The following PCDHB1 variants were observed in gnomAD, a reference collection of about 807,000 sequenced individuals.
PCDHB1 encodes the protein protocadherin beta-1.
In PCDHB1, 44 loss-of-function variants were observed where a neutral mutation model predicts 43.5. The observed-to-expected ratio is 1.01, with a 90% CI of 0.79 to 1.30. The LOEUF is 1.30. Among genes scored for constraint, PCDHB1 ranks in the 50% most tolerant of loss-of-function variants. PCDHB1 has a pLI of 0.00. For synonymous variants in PCDHB1, 392 were observed against 400.8 expected (o/e 0.98, Z 0.26); for missense variants, 919 against 1,008.9 (o/e 0.91, Z 1.21).
Position 141,056,808 on chromosome 5 carries a change from T to C in PCDHB1, c.*2881T>C, listed in dbSNP as rs375921822. The stretch of plus-strand genomic sequence containing the variant: ...TTAGTAGAGACGGGGCTTCGCCATG[T>C]TGGCATTTCGCTATGTTGGCCAGGC... On this transcript the variant is annotated 3_prime_UTR_variant, in exon 1 of 1. Transcript: ENST00000306549. 7.9e-5 allele frequency: 12 copies of C among 152,344 alleles called. No homozygotes were observed. The East Asian group carries it at 1.9e-3, about 25-fold the overall frequency. 9.4% of individuals were successfully genotyped at this position (152,344 alleles called of 1,614,324 possible).
rs184332671 is a variant in PCDHB1 at position 141,052,590 on chromosome 5, C to T, written c.1120C>T (p.Arg374Trp). The T allele has an allele frequency of 5.9e-5, 96 of 1,614,098 alleles. 1 individual carries two copies. The highest frequency in any genetic ancestry group is 2.3e-4 in the African/African-American group (17 of 75,004). The part of the protein sequence containing the change: ...TVVALFTIRD[R>W]DIRVGGKVTC... ...AGTAGCCCTTTTCACTATCAGAGACCGGGACATTCGAGTGGGAGGAAAAGT... is the reference window on the plus strand; with the variant it reads ...AGTAGCCCTTTTCACTATCAGAGACTGGGACATTCGAGTGGGAGGAAAAGT... The change falls in exon 1 of 1, where the codon CGG becomes TGG. Residue 374 changes from arginine to tryptophan, a missense_variant. By Grantham distance (101) the Arg-to-Trp change is moderately radical. Transcript: ENST00000306549.
rs1751081387 is a variant in PCDHB1, at chr5:141,054,552, C to A, written c.*625C>A. ...AATGCCTGGTAAATGGTGATCTTCACAAATAATCATGGTGGGAGGAAGGGT... is the reference window on the plus strand; with the variant it reads ...AATGCCTGGTAAATGGTGATCTTCAAAAATAATCATGGTGGGAGGAAGGGT... On this transcript the variant is annotated 3_prime_UTR_variant, in exon 1 of 1. Coordinates refer to ENST00000306549, the MANE Select transcript of PCDHB1 (RefSeq NM_013340.4). 6 of 151,740 alleles carry A rather than the reference C, an allele frequency of 4.0e-5. No homozygotes were observed. The South Asian group carries it at 1.3e-3, about 32-fold the overall frequency. The allele number at this position is 151,740 out of a possible 1,614,324, so 9.4% of individuals were successfully genotyped here.
chr5:141,051,456 C>A lies in PCDHB1; in HGVS notation c.-15C>A. On this transcript the variant is annotated 5_prime_UTR_variant, in exon 1 of 1. Transcript: ENST00000306549. ...CAGTTGGCTCTGATTGCAGAGAGCG[C>A]GCTTGTGAGAACTGATGGCGGGTAC... is the stretch of plus-strand genomic sequence containing the variant. The A allele has an allele frequency of 1.2e-6, 2 of 1,612,368 alleles. No individual in the cohort carries two copies.
rs2233596 is a variant in PCDHB1, at chr5:141,053,971, T to C, written c.*44T>C. The C allele has an allele frequency of 1.1e-3, 1,645 of 1,506,320 alleles. 17 individuals carry two copies. The African/African-American group carries it at 0.019, about 18-fold the overall frequency. The allele number at this position is 1,506,320 out of a possible 1,614,324, so 93.3% of individuals were successfully genotyped here. A position where few individuals can be genotyped will look rare whatever the true frequency, so the allele number is the denominator to read the frequency against. On this transcript the variant is annotated 3_prime_UTR_variant, in exon 1 of 1. Coordinates refer to ENST00000306549, the MANE Select transcript of PCDHB1 (RefSeq NM_013340.4). ...GTGAGAGAAGAGAAGCAAAATTTTA[T>C]ACTTGGTATGCAAAGATGTTACATC...
rs1750959421 is a variant in PCDHB1 at position 141,051,379 on chromosome 5, G to A, written c.-92G>A. The stretch of plus-strand genomic sequence containing the variant: ...GCTGCAGTTAGAGGCTAGTGAAGCG[G>A]AGAGCAGCTGTTGCAGTAACCTGTT... On this transcript the variant is annotated 5_prime_UTR_variant, in exon 1 of 1. Transcript: ENST00000306549. 1 of 1,384,372 alleles carries A rather than the reference G, an allele frequency of 7.2e-7. No individual in the cohort carries two copies. The highest frequency in any genetic ancestry group is 1.0e-6 in the Non-Finnish European group (1 of 997,698). 85.8% of individuals were successfully genotyped at this position (1,384,372 alleles called of 1,614,324 possible).
Position 141,057,374 on chromosome 5 carries a change from T to G in PCDHB1, c.*3447T>G. On this transcript the variant is annotated 3_prime_UTR_variant, in exon 1 of 1. Coordinates refer to ENST00000306549, the MANE Select transcript of PCDHB1 (RefSeq NM_013340.4). ...CTGGCCAACATGGTGAAACCATGTC[T>G]CTATTAAAAATACAAAAATTAGCTG... 6.6e-6 allele frequency: 1 copy of G among 151,674 alleles called. No individual in the cohort carries two copies. The highest frequency in any genetic ancestry group is 2.1e-4 in the South Asian group (1 of 4,802). The allele number at this position is 151,674 out of a possible 1,614,324, so 9.4% of individuals were successfully genotyped here. A position where few individuals can be genotyped will look rare whatever the true frequency, so the allele number is the denominator to read the frequency against.
rs140938729 is a variant in PCDHB1 at position 141,053,275 on chromosome 5, G to A, written c.1805G>A (p.Trp602Ter). The A allele has an allele frequency of 2.8e-4, 444 of 1,614,214 alleles. 1 individual carries two copies. The highest frequency in any genetic ancestry group is 2.7e-4 in the Admixed American group (16 of 60,022). Residue 602 changes from tryptophan to a stop codon, truncating the protein, a stop_gained, in exon 1 of 1, where the codon TGG becomes TAG. Coordinates refer to ENST00000306549, the MANE Select transcript of PCDHB1 (RefSeq NM_013340.4). LOFTEE classifies it high-confidence loss of function. ...GATGGTGACTCAGGTCAGAATTCTT[G>A]GCTTTCATATCATCTACTTAAGGCC... ...AVDGDSGQNS[W>*]LSYHLLKATD...
At position 141,051,695 on chromosome 5, in the gene PCDHB1, C is replaced by A. The variant is rs1193594060; in HGVS notation, c.225C>A (p.Phe75Leu). The change falls in exon 1 of 1, where the codon TTC (phenylalanine) becomes TTA (leucine). Residue 75 changes from phenylalanine to leucine, a missense_variant. Phe to Leu is a conservative substitution (Grantham distance 22, BLOSUM62 0). Transcript: ENST00000306549. Reference sequence around the variant, plus strand: ...TTTCCGAGGGCAACAAAATGCATTTCCGGCTCCACCGCAAGACGGGAGATT... The same window carrying A: ...TTTCCGAGGGCAACAAAATGCATTTACGGCTCCACCGCAAGACGGGAGATT... Reference protein sequence around the residue: ...RLVSEGNKMHFRLHRKTGDLF... With the variant: ...RLVSEGNKMHLRLHRKTGDLF... The A allele has an allele frequency of 3.7e-6, 6 of 1,614,092 alleles. No homozygotes were observed. The highest frequency in any genetic ancestry group is 1.7e-5 in the Admixed American group (1 of 60,004).
chr5:141,053,436 A>G lies in PCDHB1; in HGVS notation c.1966A>G (p.Thr656Ala). Residue 656 changes from threonine to alanine, a missense_variant, in exon 1 of 1, where the codon ACT becomes GCT. Thr to Ala is a moderately conservative substitution (Grantham distance 58). Transcript: ENST00000306549. ...TCACGGCCAACCAGCTCTTTCCACT[A>G]CTGTCTCACTCAACATCCTGCTGGT... ...QDHGQPALST[T>A]VSLNILLVDG... The G allele has an allele frequency of 6.2e-7, 1 of 1,614,206 alleles. No homozygotes were observed. Among genetic ancestry groups the G allele is most frequent in the Non-Finnish European group, 8.5e-7 (1 of 1,180,022 alleles).
Position 141,051,951 on chromosome 5 carries a change from G to C in PCDHB1, c.481G>C (p.Asp161His). 1 of 1,614,160 alleles carries C rather than the reference G, an allele frequency of 6.2e-7. No homozygotes were observed. The highest frequency in any genetic ancestry group is 8.5e-7 in the Non-Finnish European group (1 of 1,180,032). Residue 161 changes from aspartate (D) to histidine (H), a missense_variant, in exon 1 of 1, where the codon GAC (aspartate) becomes CAC (histidine). Asp to His is a moderately conservative substitution (Grantham distance 81, BLOSUM62 -1). Transcript: ENST00000306549. ...RFPLQSAQDLDVGLNGLQNYT... is the reference protein window; with the variant it reads ...RFPLQSAQDLHVGLNGLQNYT... ...TCCTCTGCAGAGCGCCCAGGATCTG[G>C]ACGTGGGCCTTAACGGTCTCCAGAA...
At position 141,059,305 on chromosome 5, in the gene PCDHB1, T is replaced by C. The variant is rs1751192682; in HGVS notation, c.*5378T>C. On this transcript the variant is annotated 3_prime_UTR_variant, in exon 1 of 1. Coordinates refer to ENST00000306549, the MANE Select transcript of PCDHB1 (RefSeq NM_013340.4). Reference sequence around the variant, plus strand: ...CAAAAAATGGAATTGGTCTGTCTGATATTATGTAATTCTCCTAAAAATAAA... The same window carrying C: ...CAAAAAATGGAATTGGTCTGTCTGACATTATGTAATTCTCCTAAAAATAAA... 1 of 152,210 alleles carries C rather than the reference T, an allele frequency of 6.6e-6. No individual in the cohort carries two copies. Among genetic ancestry groups the C allele is most frequent in the Non-Finnish European group, 1.5e-5 (1 of 68,024 alleles). 9.4% of individuals were successfully genotyped at this position (152,210 alleles called of 1,614,324 possible).
In PCDHB1 at chr5:141,053,593, T is replaced by C. The variant is rs1554267486; in HGVS notation, c.2123T>C (p.Val708Ala). ...TTTCTCTTTCTCCTCTCTGTCATAGTGATCTTCATTATACATGTCTACCAA... is the reference window on the plus strand; with the variant it reads ...TTTCTCTTTCTCCTCTCTGTCATAGCGATCTTCATTATACATGTCTACCAA... ...LSFLFLLSVI[V>A]IFIIHVYQKI... The change falls in exon 1 of 1, where the codon GTG becomes GCG. Residue 708 changes from valine (V) to alanine (A), a missense_variant. Transcript: ENST00000306549. The C allele has an allele frequency of 6.2e-7, 1 of 1,613,814 alleles. No homozygotes were observed. The highest frequency in any genetic ancestry group is 8.5e-7 in the Non-Finnish European group (1 of 1,179,686).
At position 141,055,580 on chromosome 5, in the gene PCDHB1, GAC is replaced by G. The variant is rs1212403828; in HGVS notation, c.*1655_*1656del. The stretch of plus-strand genomic sequence containing the variant: ...TTGTAGAGCAAATATAAAATAAAAA[GAC>G]ATTAAAATTAAAAAGTTCATTAATA... On this transcript the variant is annotated 3_prime_UTR_variant, in exon 1 of 1. Coordinates refer to ENST00000306549, the MANE Select transcript of PCDHB1 (RefSeq NM_013340.4). 2.2e-4 allele frequency: 34 copies of G among 152,096 alleles called. No homozygotes were observed. Among genetic ancestry groups the G allele is most frequent in the African/African-American group, 8.2e-4 (34 of 41,428 alleles). 9.4% of individuals were successfully genotyped at this position (152,096 alleles called of 1,614,324 possible). A position where few individuals can be genotyped will look rare whatever the true frequency, so the allele number is the denominator to read the frequency against.
Position 141,056,149 on chromosome 5 carries a change from T to C in PCDHB1, c.*2222T>C, listed in dbSNP as rs572328405. On this transcript the variant is annotated 3_prime_UTR_variant, in exon 1 of 1. Coordinates refer to ENST00000306549, the MANE Select transcript of PCDHB1 (RefSeq NM_013340.4). ...GTGTGTAAATTCAGACTCACTAGAA[T>C]ACATCCTCTTGGTATTTTAAGGGTA... 3.3e-5 allele frequency: 5 copies of C among 152,330 alleles called. No individual in the cohort carries two copies. The highest frequency in any genetic ancestry group is 7.3e-5 in the Non-Finnish European group (5 of 68,030). 9.4% of individuals were successfully genotyped at this position (152,330 alleles called of 1,614,324 possible). A position where few individuals can be genotyped will look rare whatever the true frequency, so the allele number is the denominator to read the frequency against.
In PCDHB1 at chr5:141,055,669, AT is replaced by A. The variant is rs1588286224; in HGVS notation, c.*1746del. 2 of 152,342 alleles carry A rather than the reference AT, an allele frequency of 1.3e-5. No homozygotes were observed. Among genetic ancestry groups the A allele is most frequent in the East Asian group, 3.9e-4 (2 of 5,188 alleles). The allele number at this position is 152,342 out of a possible 1,614,324, so 9.4% of individuals were successfully genotyped here. The stretch of plus-strand genomic sequence containing the variant: ...GTAGTACTAGATTTGATTGTAAGCC[AT>A]TTTCCTCTCTGAGTATTCTGAAGTT... On this transcript the variant is annotated 3_prime_UTR_variant, in exon 1 of 1. Coordinates refer to ENST00000306549, the MANE Select transcript of PCDHB1 (RefSeq NM_013340.4).
At position 141,053,141 on chromosome 5, in the gene PCDHB1, C is replaced by T. The variant is rs1461869820; in HGVS notation, c.1671C>T (p.Asp557=). 9.3e-6 allele frequency: 15 copies of T among 1,614,050 alleles called. No individual in the cohort carries two copies. Among genetic ancestry groups the T allele is most frequent in the Non-Finnish European group, 1.3e-5 (15 of 1,180,028 alleles). The change falls in exon 1 of 1, where the codon GAC becomes GAT. Residue 557 remains aspartate, a synonymous_variant. Transcript: ENST00000306549. The stretch of plus-strand genomic sequence containing the variant: ...GAGTGGTTGTCCTAGATGACAATGA[C>T]AATCGTCCAATGATCTTATACCCAC... The part of the protein sequence containing the change: ...TVRVVVLDDN[D]NRPMILYPLQ...
chr5:141,053,451 A>G lies in PCDHB1; in HGVS notation c.1981A>G (p.Ile661Val), dbSNP rs781806179. 3 of 1,614,048 alleles carry G rather than the reference A, an allele frequency of 1.9e-6. No individual in the cohort carries two copies. Among genetic ancestry groups the G allele is most frequent in the African/African-American group, 2.7e-5 (2 of 74,904 alleles). The change falls in exon 1 of 1, where the codon ATC becomes GTC. Residue 661 changes from isoleucine (I) to valine (V), a missense_variant. Transcript: ENST00000306549. ...PALSTTVSLN[I>V]LLVDGFSEPY... ...TCTTTCCACTACTGTCTCACTCAAC[A>G]TCCTGCTGGTAGATGGCTTTTCAGA...
At position 141,051,880 on chromosome 5, in the gene PCDHB1, A is replaced by T; in HGVS notation, c.410A>T (p.Glu137Val). ...AATGCCCCAGTTTTCCTAAACAAGG[A>T]GCCGCTTTTAAAGATTCCGGAGAGC... Reference protein sequence around the residue: ...NDNAPVFLNKEPLLKIPESTP... With the variant: ...NDNAPVFLNKVPLLKIPESTP... The change falls in exon 1 of 1, where the codon GAG becomes GTG. Residue 137 changes from glutamate (E) to valine (V), a missense_variant. By Grantham distance (121) the Glu-to-Val change is moderately radical. Coordinates refer to ENST00000306549, the MANE Select transcript of PCDHB1 (RefSeq NM_013340.4). The T allele has an allele frequency of 6.2e-7, 1 of 1,614,128 alleles. No individual in the cohort carries two copies. The highest frequency in any genetic ancestry group is 8.5e-7 in the Non-Finnish European group (1 of 1,180,020).
chr5:141,056,302 A>G lies in PCDHB1; in HGVS notation c.*2375A>G, dbSNP rs1247924271. ...CTGTTTACCTGTTGGCCAGGAATAC[A>G]CTAAAATTTAGTGCTGTTATTTTTT... On this transcript the variant is annotated 3_prime_UTR_variant, in exon 1 of 1. Coordinates refer to ENST00000306549, the MANE Select transcript of PCDHB1 (RefSeq NM_013340.4). The G allele has an allele frequency of 6.6e-6, 1 of 152,196 alleles. No homozygotes were observed. Among genetic ancestry groups the G allele is most frequent in the Admixed American group, 6.5e-5 (1 of 15,282 alleles). The allele number at this position is 152,196 out of a possible 1,614,324, so 9.4% of individuals were successfully genotyped here. A position where few individuals can be genotyped will look rare whatever the true frequency, so the allele number is the denominator to read the frequency against.
Sources: gnomAD v4.1 joint callset for allele counts on GRCh38, gnomAD v4.1.1 for gene constraint, MANE v1.5 for transcripts, NCBI Gene and HGNC (gene_info 2026-07-23, HGNC 2026-07-21) for gene names.